The following LRFN2 variants were observed in gnomAD, a reference collection of about 807,000 sequenced individuals.
LRFN2 encodes leucine-rich repeat and fibronectin type-III domain-containing protein 2.
A neutral mutation model predicts 37.3 loss-of-function variants in LRFN2; 18 were observed. The ratio of observed to expected loss-of-function variants is 0.48; its 90% CI spans 0.33 to 0.72. The LOEUF is 0.72. Among genes scored for constraint, LRFN2 ranks in the 30% least tolerant of loss-of-function variants. The pLI, the probability that LRFN2 is intolerant of heterozygous loss-of-function variation, is 0.02. For missense variants in LRFN2, 1,006 were observed against 1,060.7 expected, an observed-to-expected ratio of 0.95 and a Z score of 0.72; for synonymous variants, 556 against 466.6, an observed-to-expected ratio of 1.19 and a Z score of -2.47.
At chr6:40,566,580 T>C (rs1767094111) in intron 1 of LRFN2, among the ~76,000 whole-genome samples, 2 of 151,812 alleles carry the variant, frequency 1.3e-5, no homozygotes. Context: ...TCATGTCCTT[T>C]GTAGGGACAT....
chr6:40,432,555 G>A lies in LRFN2; in HGVS notation c.559C>T (p.His187Tyr), dbSNP rs1351208580. The A allele has an allele frequency of 6.2e-7, 1 of 1,614,142 alleles. No individual in the cohort carries two copies. Among genetic ancestry groups the A allele is most frequent in the East Asian group, 2.2e-5 (1 of 44,894 alleles). ...TCTGCAAAGGTGCCCTCGGCGATGTGATCCAGCAGGTTGTGGTCCAGGCTC... is the reference window on the plus strand; with the variant it reads ...TCTGCAAAGGTGCCCTCGGCGATGTAATCCAGCAGGTTGTGGTCCAGGCTC... ...QLSLDHNLLD[H>Y]IAEGTFADLQ... is the part of the protein sequence containing the mutation. The change falls in exon 2 of 3, where the codon CAC becomes TAC. Residue 187 changes from histidine (H) to tyrosine (Y), a missense_variant. Physicochemically the swap from His to Tyr is moderately conservative, Grantham distance 83 (BLOSUM62 2). Around this residue, in one of 4 missense-constraint regions of LRFN2, gnomAD observed 185 missense variants for 254.9 expected, o/e 0.73. Coordinates refer to ENST00000338305, the MANE Select transcript of LRFN2 (RefSeq NM_020737.3).
At chr6:40,510,688 G>A (rs1209413539) in intron 1 of LRFN2, among the ~76,000 whole-genome samples, 1 of 152,236 alleles carries the variant, frequency 6.6e-6, no homozygotes, top group African/African-American at 2.4e-5. Context: ...ATGCCAGGCT[G>A]GACAACATGC....
rs770691852 is a variant in LRFN2, at chr6:40,433,142, G to T, written c.-18-11C>A. ...CTGGTCACTCAGCGCCTGGAAGGGA[G>T]AAACACAAGCTCAGGGTCAGGAGGC... On this transcript the variant is annotated splice_polypyrimidine_tract_variant and intron_variant, in intron 1 of 2. Transcript: ENST00000338305. 4.6e-6 allele frequency: 7 copies of T among 1,513,500 alleles called. No individual in the cohort carries two copies. The Admixed American group carries it at 1.6e-4, about 35-fold the overall frequency. The allele number at this position is 1,513,500 out of a possible 1,614,324, so 93.8% of individuals were successfully genotyped here.
At chr6:40,460,773 C>T (rs1764331036) in intron 1 of LRFN2, among the ~76,000 whole-genome samples, 1 of 152,168 alleles carries the variant, frequency 6.6e-6, no homozygotes, top group African/African-American at 2.4e-5. Context: ...GATGAGGAGA[C>T]TTCATAGTCT....
At chr6:40,560,976 A>T (rs1186650625) in intron 1 of LRFN2, among the ~76,000 whole-genome samples, 1 of 152,158 alleles carries the variant, frequency 6.6e-6, no homozygotes, top group African/African-American at 2.4e-5. Flanking sequence ...TTCAGCAAAT[A>T]TGTGGAGTGT....
At chr6:40,428,515 C>G (rs1763406251) in intron 2 of LRFN2, among the ~76,000 whole-genome samples, 1 of 152,142 alleles carries the variant, frequency 6.6e-6, no homozygotes, top group Admixed American at 6.5e-5. Context: ...AATCCAGATT[C>G]TTTATTAGAG....
At chr6:40,452,508 T>C (rs974726454) in intron 1 of LRFN2, among the ~76,000 whole-genome samples, 1 of 152,190 alleles carries the variant, frequency 6.6e-6, no homozygotes, top group African/African-American at 2.4e-5. Context: ...CTTCAGAGCA[T>C]CCTGACATGA....
intron 1 of LRFN2, among the ~76,000 whole-genome samples, chr6:40,524,596 T>G (rs1766192904): frequency 6.6e-6 from 1 of 152,220 alleles, no homozygotes; most frequent in South Asian, 2.1e-4. Flanking sequence ...GCGCTCCTTC[T>G]CACTCACTCT....
intron 1 of LRFN2, among the ~76,000 whole-genome samples, chr6:40,434,191 C>T (rs948871330): frequency 6.6e-6 from 1 of 152,256 alleles, no homozygotes; most frequent in Non-Finnish European, 1.5e-5. Context: ...TTCACCACTG[C>T]ATGCCCAAAG....
intron 1 of LRFN2, among the ~76,000 whole-genome samples, chr6:40,494,702 T>A (rs1765181708): frequency 6.6e-6 from 1 of 152,072 alleles, no homozygotes; most frequent in Non-Finnish European, 1.5e-5. Flanking sequence ...CTAGACCTCA[T>A]CATCATCCAT....
intron 2 of LRFN2, among the ~76,000 whole-genome samples, chr6:40,424,170 C>A (rs924313432): frequency 5.9e-5 from 9 of 152,170 alleles, no homozygotes; most frequent in African/African-American, 2.2e-4. Context: ...CCTGGATGAT[C>A]CCAGGTGGTG....
chr6:40,559,260 C>T (rs1224538425), intron 1 of LRFN2, among the ~76,000 whole-genome samples: 1 of 152,164 alleles, frequency 6.6e-6, no homozygotes, highest in East Asian at 1.9e-4. Flanking sequence ...AGTGAGCCTT[C>T]CTGATGACGC....
At chr6:40,492,061 G>A in intron 1 of LRFN2, among the ~76,000 whole-genome samples, 1 of 152,006 alleles carries the variant, frequency 6.6e-6, no homozygotes, top group Non-Finnish European at 1.5e-5. Flanking sequence ...TGTGACTGTG[G>A]GTAGGTAGGC....
At chr6:40,481,761 T>A (rs542912826) in intron 1 of LRFN2, among the ~76,000 whole-genome samples, 5 of 152,180 alleles carry the variant, frequency 3.3e-5, no homozygotes, top group Non-Finnish European at 5.9e-5. Context: ...AAGGGCAGTG[T>A]TCAGATCTGA....
At chr6:40,499,400 A>T (rs980512394) in intron 1 of LRFN2, among the ~76,000 whole-genome samples, 6 of 151,062 alleles carry the variant, frequency 4.0e-5, no homozygotes, top group African/African-American at 7.3e-5. Flanking sequence ...TTTTTTTTTT[A>T]AAGAATCAGA....
intron 1 of LRFN2, 60 bp downstream of exon 1, chr6:40,586,881 C>G (rs1479132272): frequency 6.6e-6 from 1 of 152,240 alleles, no homozygotes; most frequent in South Asian, 2.1e-4. Flanking sequence ...GCGTTCAGCC[C>G]CGCGCCGAGC....
At position 40,391,825 on chromosome 6, in the gene LRFN2, G is replaced by T; in HGVS notation, c.*118C>A. Reference sequence around the variant, plus strand: ...GGGGGGACACGAGGCCATTGACAGGGAGACGAAACTGTCCCTGGATGTAAA... The same window carrying T: ...GGGGGGACACGAGGCCATTGACAGGTAGACGAAACTGTCCCTGGATGTAAA... On this transcript the variant is annotated 3_prime_UTR_variant, in exon 3 of 3. Transcript: ENST00000338305. 9.1e-7 allele frequency: 1 copy of T among 1,095,264 alleles called. No homozygotes were observed. Among genetic ancestry groups the T allele is most frequent in the Non-Finnish European group, 1.3e-6 (1 of 797,106 alleles). The allele number at this position is 1,095,264 out of a possible 1,614,324, so 67.8% of individuals were successfully genotyped here. A position where few individuals can be genotyped will look rare whatever the true frequency, so the allele number is the denominator to read the frequency against.
chr6:40,499,654 G>A (rs1229786934), intron 1 of LRFN2, among the ~76,000 whole-genome samples: 2 of 152,156 alleles, frequency 1.3e-5, no homozygotes, highest in African/African-American at 4.8e-5. Flanking sequence ...AGCAGAGAGT[G>A]TGGGCCGAGG....
chr6:40,526,404 C>T (rs1030839165), intron 1 of LRFN2, among the ~76,000 whole-genome samples: 1 of 152,212 alleles, frequency 6.6e-6, no homozygotes, highest in Non-Finnish European at 1.5e-5. Flanking sequence ...ACTTTTGCCT[C>T]CTCCCAGTTC....
Sources: gnomAD v4.1 joint callset for allele counts (sites outside exome capture counted in the v4.1 genomes callset) on GRCh38, gnomAD v4.1.1 for gene constraint, gnomAD v4.1.1 regional missense constraint, MANE v1.5 for transcripts, NCBI Gene and HGNC (gene_info 2026-07-23, HGNC 2026-07-21) for gene names.